MAF: variants seen among roughly 807,000 people sequenced by gnomAD.
MAF encodes transcription factor Maf.
In MAF, 10 loss-of-function variants were observed where a neutral mutation model predicts 22.0. That is an observed-to-expected ratio of 0.45 (90% CI 0.28 to 0.77). The LOEUF (loss-of-function observed/expected upper bound fraction) is 0.77. Ranked by LOEUF, MAF falls within the 30% of genes least tolerant of loss-of-function variation. The probability of loss-of-function intolerance (pLI) is 0.12; values close to 1 mark genes in which losing one functional copy is unlikely to be tolerated. For synonymous variants in MAF, 337 were observed against 255.8 expected (o/e 1.32, Z -3.03); for missense variants, 544 against 548.4 (o/e 0.99, Z 0.08).
the MAF span, among the ~76,000 whole-genome samples, chr16:79,547,790 T>G: frequency 6.6e-6 from 1 of 152,172 alleles, no homozygotes; most frequent in South Asian, 2.1e-4. Flanking sequence ...ATACTGGATA[T>G]TTGTCTACAA....
At chr16:79,545,921 T>A in the MAF span, among the ~76,000 whole-genome samples, 1 of 152,164 alleles carries the variant, frequency 6.6e-6, no homozygotes, top group South Asian at 2.1e-4. Flanking sequence ...AAAATAAGTA[T>A]GTGGGGTAAT....
At chr16:79,451,031 T>C in the MAF span, among the ~76,000 whole-genome samples, 3 of 152,156 alleles carry the variant, frequency 2.0e-5, no homozygotes, top group South Asian at 6.2e-4. Context: ...ATCTTACCTG[T>C]ACAGCAACAC....
chr16:79,456,534 C>A, the MAF span, among the ~76,000 whole-genome samples: 1 of 152,142 alleles, frequency 6.6e-6, no homozygotes, highest in South Asian at 2.1e-4. Context: ...GCTGAATGAG[C>A]ATAGATTACT....
the MAF span, among the ~76,000 whole-genome samples, chr16:79,207,580 TGAATATATAGATATG>T: frequency 1.3e-5 from 2 of 152,254 alleles, no homozygotes; most frequent in Non-Finnish European, 1.5e-5. Flanking sequence ...TCACAATCAT[TGAATATATAGATATG>T]CCATGATATT....
At chr16:79,406,819 A>G in the MAF span, among the ~76,000 whole-genome samples, 1 of 152,250 alleles carries the variant, frequency 6.6e-6, no homozygotes, top group East Asian at 1.9e-4. Context: ...TGTGCCCAAG[A>G]AGGGCAGAGC....
the MAF span, among the ~76,000 whole-genome samples, chr16:79,237,040 C>G: frequency 6.6e-6 from 1 of 151,716 alleles, no homozygotes; most frequent in African/African-American, 2.4e-5. Flanking sequence ...GCTGCATATA[C>G]TTGGATTGCC....
At chr16:79,484,395 G>T in the MAF span, among the ~76,000 whole-genome samples, 1 of 152,216 alleles carries the variant, frequency 6.6e-6, no homozygotes, top group Non-Finnish European at 1.5e-5. Context: ...CGAAGAAGGA[G>T]CAGAGCCAGT....
chr16:79,448,887 G>A, the MAF span, among the ~76,000 whole-genome samples: 1 of 152,138 alleles, frequency 6.6e-6, no homozygotes, highest in Non-Finnish European at 1.5e-5. Context: ...TTGGGGGGAG[G>A]CAGGGATGGT....
the MAF span, among the ~76,000 whole-genome samples, chr16:79,428,606 G>A: frequency 1.3e-5 from 2 of 152,054 alleles, no homozygotes; most frequent in South Asian, 2.1e-4. Context: ...TTGGGAGGCC[G>A]AGGCAGGTGG....
At chr16:79,492,477 G>C in the MAF span, among the ~76,000 whole-genome samples, 2 of 52,148 alleles carry the variant, frequency 3.8e-5, no homozygotes, top group East Asian at 3.1e-3. Context: ...TCTATATATA[G>C]CAAAAGAAAA....
chr16:79,240,704 G>C, the MAF span, among the ~76,000 whole-genome samples: 2 of 151,826 alleles, frequency 1.3e-5, no homozygotes, highest in Non-Finnish European at 2.9e-5. Context: ...CTAAGGGTCA[G>C]ACTGCCTCCT....
the MAF span, among the ~76,000 whole-genome samples, chr16:79,241,845 T>A: frequency 6.6e-6 from 1 of 152,026 alleles, no homozygotes; most frequent in African/African-American, 2.4e-5. Flanking sequence ...AGCAAATCTC[T>A]CTGCAAAAAC....
chr16:79,520,843 G>A, the MAF span, among the ~76,000 whole-genome samples: 1 of 152,148 alleles, frequency 6.6e-6, no homozygotes, highest in Admixed American at 6.5e-5. Context: ...GCATTGGCAA[G>A]GGAAGGGTAT....
the MAF span, among the ~76,000 whole-genome samples, chr16:79,215,831 G>A: frequency 7.7e-3 from 1,171 of 152,244 alleles, 15 homozygotes; most frequent in African/African-American, 0.027. Context: ...TCCTCACAAA[G>A]CACAACGTCC....
the MAF span, among the ~76,000 whole-genome samples, chr16:79,336,734 G>C: frequency 6.6e-6 from 1 of 152,130 alleles, no homozygotes; most frequent in Non-Finnish European, 1.5e-5. Context: ...CTTTTTACTT[G>C]GGCACATGAG....
the MAF span, among the ~76,000 whole-genome samples, chr16:79,404,609 C>T: frequency 4.0e-5 from 6 of 150,868 alleles, no homozygotes; most frequent in Non-Finnish European, 8.8e-5. Context: ...ATTGAAATGA[C>T]AAGCGCTTCA....
chr16:79,352,588 T>C, the MAF span, among the ~76,000 whole-genome samples: 4 of 152,212 alleles, frequency 2.6e-5, no homozygotes, highest in Non-Finnish European at 5.9e-5. Context: ...TAAGTTTATT[T>C]ATATTTTTTA....
chr16:79,496,889 T>A, the MAF span, among the ~76,000 whole-genome samples: 71 of 152,338 alleles, frequency 4.7e-4, 1 homozygote, highest in African/African-American at 1.7e-3. Flanking sequence ...ATTATTATTT[T>A]TTTCCTTGCA....
the MAF span, among the ~76,000 whole-genome samples, chr16:79,425,663 A>AC: frequency 6.9e-6 from 1 of 145,476 alleles, no homozygotes; most frequent in Non-Finnish European, 1.5e-5. Context: ...ATCAATTTAG[A>AC]TTTTTTTTTT....
Sources: gnomAD v4.1 joint callset for allele counts (sites outside exome capture counted in the v4.1 genomes callset) on GRCh38, gnomAD v4.1.1 for gene constraint, MANE v1.5 for transcripts, NCBI Gene and HGNC (gene_info 2026-07-23, HGNC 2026-07-21) for gene names.